Variants in PGAP2 observed in about 807,000 individuals in gnomAD.
PGAP2 encodes post-GPI attachment to proteins 2, also known as acyltransferase PGAP2.
In PGAP2, 21 loss-of-function variants were observed where a neutral mutation model predicts 33.2. The observed-to-expected ratio is 0.63, with a 90% CI of 0.45 to 0.91. The LOEUF (loss-of-function observed/expected upper bound fraction) is 0.91, where lower values mean the gene tolerates loss of function less well. Ranked by LOEUF, PGAP2 falls within the 40% of genes least tolerant of loss-of-function variation. The pLI is 0.00. For synonymous variants in PGAP2, 161 were observed against 172.9 expected (o/e 0.93, Z 0.54); for missense variants, 345 against 424.0 (o/e 0.81, Z 1.64).
intron 3 of PGAP2, 132 bp from the exon 4 acceptor site, chr11:3,823,751 A>G: frequency 6.3e-7 from 1 of 1,598,922 alleles, no homozygotes; most frequent in Non-Finnish European, 8.5e-7. Flanking sequence ...GTATGGGGAC[A>G]TCTGAAGGAG....
At chr11:3,818,958 C>T (rs538523458) in intron 3 of PGAP2, among the ~76,000 whole-genome samples, 61 of 152,196 alleles carry the variant, frequency 4.0e-4, no homozygotes, top group African/African-American at 1.4e-3. Flanking sequence ...AATGCCAGGC[C>T]GGCAACTTTT....
intron 2 of PGAP2, among the ~76,000 whole-genome samples, chr11:3,815,366 TGGCACG>T (rs773838195): frequency 6.6e-5 from 10 of 151,552 alleles, no homozygotes; most frequent in Non-Finnish European, 1.5e-4. Flanking sequence ...TGGAGTGCAA[TGGCACG>T]ATCTCGGCTT....
intron 2 of PGAP2, among the ~76,000 whole-genome samples, chr11:3,813,065 C>G (rs1404922023): frequency 6.6e-6 from 1 of 152,190 alleles, no homozygotes; most frequent in Non-Finnish European, 1.5e-5. Context: ...AATGTCTTCC[C>G]TATCCTCCTT....
chr11:3,817,268 T>C, intron 2 of PGAP2, 85 bp from the exon 3 acceptor site: 1 of 1,025,234 alleles, frequency 9.8e-7, no homozygotes, highest in Non-Finnish European at 1.5e-6. Context: ...CCTTATACTC[T>C]GAGGAGCCAT....
intron 1 of PGAP2, among the ~76,000 whole-genome samples, chr11:3,810,580 A>C (rs998002268): frequency 6.6e-6 from 1 of 152,194 alleles, no homozygotes; most frequent in South Asian, 2.1e-4. Context: ...CTGACCAAGC[A>C]GCTCTCTCCA....
chr11:3,814,776 C>CT (rs772262812), intron 2 of PGAP2, among the ~76,000 whole-genome samples: 1 of 104,170 alleles, frequency 9.6e-6, no homozygotes, highest in South Asian at 3.3e-4. Context: ...TTCTTTCTTT[C>CT]TTTCTTTCTT....
Position 3,825,719 on chromosome 11 carries a change from G to A in PGAP2, c.*261G>A. On this transcript the variant is annotated 3_prime_UTR_variant, in exon 7 of 7. Coordinates refer to ENST00000278243, the MANE Select transcript of PGAP2 (RefSeq NM_014489.4). ...AGCTGGCAGAGAGCTCCACCATTTGGTGCTAAAAAAAAAAACGTCCTGAGG... is the reference window on the plus strand; with the variant it reads ...AGCTGGCAGAGAGCTCCACCATTTGATGCTAAAAAAAAAAACGTCCTGAGG... 4.1e-6 allele frequency: 1 copy of A among 241,356 alleles called. No individual in the cohort carries two copies. The allele number at this position is 241,356 out of a possible 1,614,324, so 15.0% of individuals were successfully genotyped here.
intron 3 of PGAP2, among the ~76,000 whole-genome samples, chr11:3,820,884 ATTTTACCAATGAGGAAAT>A (rs2088444590): frequency 6.6e-6 from 1 of 152,184 alleles, no homozygotes; most frequent in South Asian, 2.1e-4. Flanking sequence ...TGTTATACCC[ATTTTACCAATGAGGAAAT>A]TGGAGCTCAG....
upstream of PGAP2, among the ~76,000 whole-genome samples, chr11:3,804,859 G>A (rs1375436512): frequency 6.6e-6 from 1 of 151,938 alleles, no homozygotes; most frequent in Non-Finnish European, 1.5e-5. Context: ...CCGCCACCAG[G>A]CCTGGCTAAT....
chr11:3,797,903 C>G, exon 1 of PGAP2: 1 of 1,548,588 alleles, frequency 6.5e-7, no homozygotes, highest in Non-Finnish European at 8.7e-7. Flanking sequence ...AACATAGAGA[C>G]TCCGCCCCCT....
chr11:3,808,105 G>A, upstream of PGAP2: 1 of 1,454,398 alleles, frequency 6.9e-7, no homozygotes, highest in South Asian at 1.4e-5. Context: ...TCCCATTGCT[G>A]AAATGTCCCC....
At chr11:3,799,539 A>C (rs2083153646) in intron 1 of PGAP2, among the ~76,000 whole-genome samples, 1 of 152,190 alleles carries the variant, frequency 6.6e-6, no homozygotes, top group Admixed American at 6.6e-5. Flanking sequence ...ATTTTTAAAA[A>C]ACCTCCACCA....
chr11:3,808,268 G>T (rs972958579), upstream of PGAP2: 12 of 1,551,296 alleles, frequency 7.7e-6, 1 homozygote, highest in Non-Finnish European at 1.0e-5. Flanking sequence ...GGCCCCTGTT[G>T]AATTAATTTT....
Position 3,808,636 on chromosome 11 carries a change from C to T in PGAP2, c.-26C>T. The T allele has an allele frequency of 1.6e-6, 2 of 1,282,872 alleles. No homozygotes were observed. The highest frequency in any genetic ancestry group is 3.1e-4 in the Middle Eastern group (1 of 3,206). 79.5% of individuals were successfully genotyped at this position (1,282,872 alleles called of 1,614,324 possible). A position where few individuals can be genotyped will look rare whatever the true frequency, so the allele number is the denominator to read the frequency against. ...GGCCCCCGGGTTCCGCCGGCACTCT[C>T]GCCACCACCGCGTGGGTGAGTATGG... On this transcript the variant is annotated 5_prime_UTR_variant, in exon 1 of 7. Transcript: ENST00000278243.
At chr11:3,800,599 C>G (rs957031436) in intron 1 of PGAP2, among the ~76,000 whole-genome samples, 2 of 151,134 alleles carry the variant, frequency 1.3e-5, no homozygotes, top group African/African-American at 4.9e-5. Flanking sequence ...ATCACGAGGT[C>G]AGGAGATCGA....
Position 3,824,867 on chromosome 11 carries a change from G to A in PGAP2, c.709-153G>A, listed in dbSNP as rs1052328760. 1.4e-5 allele frequency: 20 copies of A among 1,456,136 alleles called. No homozygotes were observed. The African/African-American group carries it at 2.0e-4, about 15-fold the overall frequency. 90.2% of individuals were successfully genotyped at this position (1,456,136 alleles called of 1,614,324 possible). A position where few individuals can be genotyped will look rare whatever the true frequency, so the allele number is the denominator to read the frequency against. Reference sequence around the variant, plus strand: ...GAGGCAGGGACGTGAACACATAGTCGTCATTCTTGCTGCCCCTGCCTGTGC... The same window carrying A: ...GAGGCAGGGACGTGAACACATAGTCATCATTCTTGCTGCCCCTGCCTGTGC... On this transcript the variant is annotated intron_variant, in intron 5 of 6. Transcript: ENST00000278243.
rs1565072420 is a variant in PGAP2 at position 3,825,723 on chromosome 11, T to TTA, written c.*265_*266insTA. On this transcript the variant is annotated 3_prime_UTR_variant, in exon 7 of 7. Coordinates refer to ENST00000278243, the MANE Select transcript of PGAP2 (RefSeq NM_014489.4). ...GGCAGAGAGCTCCACCATTTGGTGC[T>TTA]AAAAAAAAAAACGTCCTGAGGTTCA... 2 of 208,260 alleles carry TTA rather than the reference T, an allele frequency of 9.6e-6. No individual in the cohort carries two copies. The highest frequency in any genetic ancestry group is 7.3e-5 in the South Asian group (1 of 13,642). 12.9% of individuals were successfully genotyped at this position (208,260 alleles called of 1,614,324 possible).
chr11:3,808,342 C>A, upstream of PGAP2: 1 of 1,551,222 alleles, frequency 6.4e-7, no homozygotes, highest in South Asian at 1.2e-5. Flanking sequence ...GCTTATCCAA[C>A]ATGCTCAAAC....
chr11:3,824,971 GCT>G lies in PGAP2; in HGVS notation c.709-45_709-44del, dbSNP rs772508793. On this transcript the variant is annotated intron_variant, in intron 5 of 6. Coordinates refer to ENST00000278243, the MANE Select transcript of PGAP2 (RefSeq NM_014489.4). The stretch of plus-strand genomic sequence containing the variant: ...AGTTAGGGCTGAGAGGGGAGCCCAC[GCT>G]CTCATACCCAGCAAGCTGCAGAGTG... 8.7e-6 allele frequency: 14 copies of G among 1,611,580 alleles called. No individual in the cohort carries two copies. In the African/African-American group the frequency reaches 1.9e-4, roughly 22 times the overall value.
Sources: allele counts gnomAD v4.1 joint callset (sites outside exome capture counted in the v4.1 genomes callset), GRCh38; gene constraint gnomAD v4.1.1; transcripts MANE v1.5; gene names NCBI Gene and HGNC (gene_info 2026-07-23, HGNC 2026-07-21).